CNTN5: variants seen among roughly 807,000 people sequenced by gnomAD.
The protein encoded by CNTN5 is contactin-5.
Under a neutral mutation model 129.1 loss-of-function variants are expected in CNTN5, and 77 were observed. That is an observed-to-expected ratio of 0.60 (90% CI 0.50 to 0.72). CNTN5 has a LOEUF of 0.72. Among genes scored for constraint, CNTN5 ranks in the 30% least tolerant of loss-of-function variants. The probability of loss-of-function intolerance (pLI) is 0.00; values close to 1 mark genes in which losing one functional copy is unlikely to be tolerated. For missense variants in CNTN5, 1,478 were observed against 1,328.8 expected, an observed-to-expected ratio of 1.11 and a Z score of -1.75; for synonymous variants, 509 against 465.6, an observed-to-expected ratio of 1.09 and a Z score of -1.20.
chr11:99,179,605 A>G (rs1857948376), intron 1 of CNTN5, among the ~76,000 whole-genome samples: 1 of 152,350 alleles, frequency 6.6e-6, no homozygotes, highest in Non-Finnish European at 1.5e-5. Context: ...ATGATGCCAT[A>G]TGATCCATAT....
At chr11:100,030,979 C>T (rs1208599695) in intron 9 of CNTN5, among the ~76,000 whole-genome samples, 1 of 152,112 alleles carries the variant, frequency 6.6e-6, no homozygotes, top group Non-Finnish European at 1.5e-5. Flanking sequence ...ATAAGTCTCC[C>T]ATAATGTCAT....
chr11:99,150,893 T>C (rs1191472071), intron 1 of CNTN5, among the ~76,000 whole-genome samples: 1 of 152,098 alleles, frequency 6.6e-6, no homozygotes, highest in Non-Finnish European at 1.5e-5. Flanking sequence ...AAGGATATTA[T>C]TGAAAAATTG....
At chr11:99,140,520 T>C (rs1208971839) in intron 1 of CNTN5, among the ~76,000 whole-genome samples, 1 of 152,008 alleles carries the variant, frequency 6.6e-6, no homozygotes, top group African/African-American at 2.4e-5. Context: ...ACTAGGCCTT[T>C]CAGTATTATG....
At chr11:100,010,679 G>T (rs1413229328) in intron 9 of CNTN5, among the ~76,000 whole-genome samples, 1 of 152,082 alleles carries the variant, frequency 6.6e-6, no homozygotes, top group Non-Finnish European at 1.5e-5. Flanking sequence ...GGATGGAGCT[G>T]AGAGGTGGTC....
intron 3 of CNTN5, among the ~76,000 whole-genome samples, chr11:99,660,423 A>C (rs1952552645): frequency 6.6e-6 from 1 of 152,132 alleles, no homozygotes; most frequent in South Asian, 2.1e-4. Context: ...ATGGTTTCAC[A>C]GGTGTATCTA....
intron 1 of CNTN5, among the ~76,000 whole-genome samples, chr11:99,235,052 C>A (rs10706977): frequency 1.4e-3 from 68 of 47,338 alleles, no homozygotes; most frequent in Middle Eastern, 0.011. Context: ...TACCCTTTTT[C>A]TTTTTTTGGA....
intron 7 of CNTN5, among the ~76,000 whole-genome samples, chr11:99,946,008 A>T (rs1012159867): frequency 2.4e-4 from 36 of 152,142 alleles, no homozygotes; most frequent in Non-Finnish European, 1.2e-4. Flanking sequence ...GACATAAAGT[A>T]TCTAGATTTT....
chr11:99,152,747 C>A (rs1860127635), intron 1 of CNTN5, among the ~76,000 whole-genome samples: 1 of 152,266 alleles, frequency 6.6e-6, no homozygotes, highest in South Asian at 2.1e-4. Context: ...TGTCAATGGT[C>A]CATGTACTTA....
At chr11:99,949,827 A>G (rs973883479) in intron 7 of CNTN5, among the ~76,000 whole-genome samples, 3 of 152,100 alleles carry the variant, frequency 2.0e-5, no homozygotes, top group Non-Finnish European at 2.9e-5. Flanking sequence ...ACTAGCTCAG[A>G]CCTGCTTAAG....
At chr11:99,208,129 G>A (rs528982519) in intron 1 of CNTN5, among the ~76,000 whole-genome samples, 5 of 152,116 alleles carry the variant, frequency 3.3e-5, no homozygotes, top group African/African-American at 4.8e-5. Context: ...CATTGGGTGC[G>A]TGAAAAAGCA....
intron 1 of CNTN5, among the ~76,000 whole-genome samples, chr11:99,253,563 T>A (rs1433006471): frequency 1.3e-5 from 2 of 152,042 alleles, no homozygotes; most frequent in Non-Finnish European, 2.9e-5. Context: ...CACCTAAGAT[T>A]TTTTTATTTA....
At chr11:99,520,193 A>G (rs2135436134) in intron 2 of CNTN5, among the ~76,000 whole-genome samples, 1 of 152,240 alleles carries the variant, frequency 6.6e-6, no homozygotes, top group South Asian at 2.1e-4. Flanking sequence ...GGATTTACAT[A>G]CAGCTATTGA....
chr11:99,455,542 C>T (rs1202408664), intron 2 of CNTN5, among the ~76,000 whole-genome samples: 1 of 151,670 alleles, frequency 6.6e-6, no homozygotes, highest in Non-Finnish European at 1.5e-5. Flanking sequence ...ATGCTGTTGT[C>T]GAAATCAAAT....
chr11:99,415,811 A>G (rs1016913816), intron 2 of CNTN5, among the ~76,000 whole-genome samples: 1 of 152,198 alleles, frequency 6.6e-6, no homozygotes, highest in Non-Finnish European at 1.5e-5. Context: ...TAACTTGCAT[A>G]GCTCTTCAAC....
chr11:100,187,171 T>C (rs1013314228), intron 13 of CNTN5, among the ~76,000 whole-genome samples: 19 of 152,186 alleles, frequency 1.2e-4, no homozygotes, highest in Non-Finnish European at 4.4e-5. Context: ...TAAATGGGAT[T>C]ATGTTCTTCA....
At chr11:100,079,565 A>G (rs2137920286) in intron 13 of CNTN5, among the ~76,000 whole-genome samples, 1 of 152,244 alleles carries the variant, frequency 6.6e-6, no homozygotes, top group Non-Finnish European at 1.5e-5. Flanking sequence ...TGTTCCATTA[A>G]CATTTTATAG....
chr11:99,705,137 A>G (rs1954699863), intron 3 of CNTN5, among the ~76,000 whole-genome samples: 1 of 151,306 alleles, frequency 6.6e-6, no homozygotes, highest in South Asian at 2.1e-4. Flanking sequence ...GTGTATACGA[A>G]TCTCTGTTGA....
intron 3 of CNTN5, among the ~76,000 whole-genome samples, chr11:99,784,663 C>A (rs146935420): frequency 1.3e-5 from 2 of 152,040 alleles, no homozygotes; most frequent in Non-Finnish European, 2.9e-5. Context: ...TCTTCCGCAA[C>A]GGTTGAACTG....
intron 23 of CNTN5, among the ~76,000 whole-genome samples, chr11:100,344,032 T>G (rs149797609): frequency 1.3e-5 from 2 of 152,046 alleles, no homozygotes; most frequent in Admixed American, 6.6e-5. Flanking sequence ...TTCTTGCTCA[T>G]CGGGGAAAGG....
Sources: gnomAD v4.1 joint callset for allele counts (sites outside exome capture counted in the v4.1 genomes callset) on GRCh38, gnomAD v4.1.1 for gene constraint, MANE v1.5 for transcripts, NCBI Gene and HGNC (gene_info 2026-07-23, HGNC 2026-07-21) for gene names.